CDH23: variants seen among roughly 807,000 people sequenced by gnomAD.
The protein encoded by CDH23 is cadherin related 23.
CDH23 carries 189 observed loss-of-function variants against 317.1 expected under a neutral mutation model. That is an observed-to-expected ratio of 0.60 (90% CI 0.53 to 0.67). CDH23 has a LOEUF of 0.67. CDH23 is among the 30% of genes least tolerant of loss of function. The pLI is 0.00. For missense variants in CDH23, 4,401 were observed against 4,592.4 expected (o/e 0.96, Z 1.20); for synonymous variants, 1,839 against 1,876.8 (o/e 0.98, Z 0.52).
intron 6 of CDH23, 139 bp downstream of exon 6, chr10:71,511,351 C>G (rs1046203000): frequency 6.2e-6 from 5 of 802,982 alleles, no homozygotes; most frequent in Admixed American, 5.8e-5. Flanking sequence ...CAACTCTGAG[C>G]AGGTTGGCGA....
intron 3 of CDH23, among the ~76,000 whole-genome samples, chr10:71,491,898 G>A (rs1018650848): frequency 9.2e-5 from 14 of 152,126 alleles, no homozygotes; most frequent in African/African-American, 1.9e-4. Context: ...AACCAGAGGC[G>A]AGCCTTCCCC....
At chr10:71,579,624 C>T (rs926429245) in intron 9 of CDH23, among the ~76,000 whole-genome samples, 1 of 152,172 alleles carries the variant, frequency 6.6e-6, no homozygotes, top group Non-Finnish European at 1.5e-5. Flanking sequence ...GCACCCCAGG[C>T]AGCTCAGGTG....
intron 28 of CDH23, chr10:71,719,727 C>T (rs1866459743): frequency 6.6e-6 from 1 of 152,400 alleles, no homozygotes; most frequent in South Asian, 2.1e-4. Flanking sequence ...GACCCCAGCC[C>T]TGCCAGGCTC....
rs1441899315 is a variant in CDH23 at position 71,806,204 on chromosome 10, C to T, written c.8101C>T (p.Pro2701Ser). The T allele has an allele frequency of 1.3e-6, 2 of 1,577,706 alleles. No individual in the cohort carries two copies. The highest frequency in any genetic ancestry group is 1.7e-6 in the Non-Finnish European group (2 of 1,161,962). The change falls in exon 57 of 70, where the codon CCA becomes TCA. Residue 2701 changes from proline (P) to serine (S), a missense_variant. Physicochemically the swap from Pro to Ser is moderately conservative, Grantham distance 74. This residue lies in a region of CDH23 where 1,144 missense variants were observed against 1,138.2 expected (regional missense o/e 1.01). Transcript: ENST00000224721. ...LVASDLGQPV[P>S]YETMQPLQVA... ...GGCCAGCGACCTGGGCCAGCCAGTG[C>T]CATACGAGACTATGCAGCCGCTGCA...
chr10:71,788,890 G>T (rs758132640), intron 44 of CDH23, 50 bp from the exon 45 acceptor site: 2 of 925,310 alleles, frequency 2.2e-6, no homozygotes, highest in African/African-American at 3.2e-5. Flanking sequence ...CCTAGGTGGG[G>T]GCACTTTGCT....
At position 71,407,956 on chromosome 10, in the gene CDH23, A is replaced by G. The variant is rs141485088; in HGVS notation, c.-6+10638A>G. 2.5e-3 allele frequency among the ~76,000 whole-genome samples: 374 copies of G among 152,334 alleles called. 1 individual carries two copies. The highest frequency in any genetic ancestry group is 8.7e-3 in the African/African-American group (362 of 41,574). On this transcript the variant is annotated intron_variant, in intron 1 of 69. Coordinates refer to ENST00000224721, the MANE Select transcript of CDH23 (RefSeq NM_022124.6). ...AGTAGGGGTCTCTCATGAGAGACATAAAAGTGCTCAGCAAAATGAGTTGCG... is the reference window on the plus strand; with the variant it reads ...AGTAGGGGTCTCTCATGAGAGACATGAAAGTGCTCAGCAAAATGAGTTGCG...
At chr10:71,739,258 G>C (rs1176093136) in intron 35 of CDH23, among the ~76,000 whole-genome samples, 1 of 152,170 alleles carries the variant, frequency 6.6e-6, no homozygotes, top group Non-Finnish European at 1.5e-5. Context: ...TGTGAACTGA[G>C]AACAGTTGCT....
chr10:71,792,313 C>A (rs1841272321), intron 47 of CDH23, among the ~76,000 whole-genome samples: 1 of 145,336 alleles, frequency 6.9e-6, no homozygotes, highest in Non-Finnish European at 1.5e-5. Flanking sequence ...TGTCAGACAC[C>A]AAAATAAAAA....
rs1431351159 is a variant in CDH23, at chr10:71,397,181, C to T, written c.-143C>T. 1.3e-5 allele frequency: 3 copies of T among 237,158 alleles called. No homozygotes were observed. The highest frequency in any genetic ancestry group is 1.7e-5 in the Non-Finnish European group (2 of 118,966). 14.7% of individuals were successfully genotyped at this position (237,158 alleles called of 1,614,324 possible). A position where few individuals can be genotyped will look rare whatever the true frequency, so the allele number is the denominator to read the frequency against. Reference sequence around the variant, plus strand: ...CGCGGAGACCCAGGAGCTGCCGGCACGCCGCGGATGAGCCTTCGCGCCGGC... The same window carrying T: ...CGCGGAGACCCAGGAGCTGCCGGCATGCCGCGGATGAGCCTTCGCGCCGGC... On this transcript the variant is annotated 5_prime_UTR_variant, in exon 1 of 70. The change creates a new upstream start codon in the 5' untranslated region. Coordinates refer to ENST00000224721, the MANE Select transcript of CDH23 (RefSeq NM_022124.6). This position sits in a 1 kb window ranked among gnomAD's most constrained non-coding sequence, Gnocchi z 4.8.
At chr10:71,524,251 C>T (rs535196105) in intron 6 of CDH23, among the ~76,000 whole-genome samples, 12 of 152,324 alleles carry the variant, frequency 7.9e-5, no homozygotes, top group East Asian at 7.7e-4. Flanking sequence ...CAGGGCCTGG[C>T]GCACGGTGGG....
intron 3 of CDH23, among the ~76,000 whole-genome samples, chr10:71,475,157 C>G (rs1431282139): frequency 2.6e-5 from 4 of 152,154 alleles, no homozygotes; most frequent in African/African-American, 7.2e-5. Flanking sequence ...TGCAGGGCTG[C>G]TTTTCTGGGC....
chr10:71,606,217 C>T (rs1860517276), intron 9 of CDH23, among the ~76,000 whole-genome samples: 1 of 152,248 alleles, frequency 6.6e-6, no homozygotes, highest in South Asian at 2.1e-4. Flanking sequence ...TTGATAAAAA[C>T]TGTTGTGGTG....
intron 24 of CDH23, among the ~76,000 whole-genome samples, chr10:71,703,846 A>G (rs1317365739): frequency 6.6e-6 from 1 of 152,214 alleles, no homozygotes; most frequent in Non-Finnish European, 1.5e-5. Context: ...GTCAACCCCC[A>G]AACCCTGTTC....
intron 3 of CDH23, among the ~76,000 whole-genome samples, chr10:71,484,763 G>A (rs896354945): frequency 6.6e-6 from 1 of 152,292 alleles, no homozygotes; most frequent in Admixed American, 6.5e-5. Flanking sequence ...TAGGTTTTTG[G>A]TATATACATT....
chr10:71,501,818 G>T (rs950243402), intron 3 of CDH23, among the ~76,000 whole-genome samples: 1 of 152,196 alleles, frequency 6.6e-6, no homozygotes. Flanking sequence ...CCCTGGCCCT[G>T]GCAGGGACCC....
At chr10:71,415,861 T>C (rs1848512345) in intron 1 of CDH23, among the ~76,000 whole-genome samples, 1 of 152,260 alleles carries the variant, frequency 6.6e-6, no homozygotes, top group Non-Finnish European at 1.5e-5. Flanking sequence ...GAATATACTT[T>C]TACTGATTCC....
In CDH23 at chr10:71,554,559, G is replaced by C. The variant is rs142250487; in HGVS notation, c.430-12183G>C. Among the ~76,000 whole-genome samples, 1,049 of 152,170 alleles carry C rather than the reference G, an allele frequency of 6.9e-3. 30 individuals are homozygous for C. The highest frequency in any genetic ancestry group is 4.1e-3 in the Non-Finnish European group (279 of 68,004). ...CTACCAAGTCTCAAGGTTACTGTAT[G>C]CCTCCAGCCCCTGCAGCCCTGGGTT... is the stretch of plus-strand genomic sequence containing the variant. On this transcript the variant is annotated intron_variant, in intron 6 of 69. Transcript: ENST00000224721.
intron 65 of CDH23, 56 bp from the exon 66 acceptor site, chr10:71,811,899 C>CACCCCTACCCCTGGCTAT: frequency 6.2e-7 from 1 of 1,611,178 alleles, no homozygotes; most frequent in Non-Finnish European, 8.5e-7. Context: ...CCCCCAACAC[C>CACCCCTACCCCTGGCTAT]ACCCCTACCC....
chr10:71,482,338 A>G (rs1044540302), intron 3 of CDH23, among the ~76,000 whole-genome samples: 7 of 152,136 alleles, frequency 4.6e-5, no homozygotes, highest in African/African-American at 1.2e-4. Context: ...CCTGTCATAA[A>G]GGACCTCAGG....
Sources: allele counts gnomAD v4.1 joint callset (sites outside exome capture counted in the v4.1 genomes callset), GRCh38; gene constraint gnomAD v4.1.1; regional missense constraint gnomAD v4.1.1; non-coding constraint Gnocchi (gnomAD v3.1); transcripts MANE v1.5; gene names NCBI Gene and HGNC (gene_info 2026-07-23, HGNC 2026-07-21).